Variants in MTHFD1 observed in about 807,000 individuals in gnomAD.
The protein encoded by MTHFD1 is methylenetetrahydrofolate dehydrogenase, cyclohydrolase and formyltetrahydrofolate synthetase 1, also known as C-1-tetrahydrofolate synthase, cytoplasmic.
MTHFD1 carries 44 observed loss-of-function variants against 110.3 expected under a neutral mutation model. The ratio of observed to expected loss-of-function variants is 0.40; its 90% CI spans 0.31 to 0.51. MTHFD1 has a LOEUF of 0.51. Among genes scored for constraint, MTHFD1 ranks in the 20% least tolerant of loss-of-function variants. MTHFD1 has a pLI of 0.60. For missense variants in MTHFD1, 909 were observed against 1,173.1 expected (o/e 0.77, Z 3.29); for synonymous variants, 402 against 428.8 (o/e 0.94, Z 0.77).
chr14:64,400,804 C>T lies in MTHFD1; in HGVS notation c.53C>T (p.Ala18Val), dbSNP rs151019303. 6,211 of 1,612,920 alleles carry T rather than the reference C, an allele frequency of 3.9e-3. 19 individuals are homozygous for T. The highest frequency in any genetic ancestry group is 0.01 in the Middle Eastern group (62 of 6,060). The change falls in exon 2 of 28, where the codon GCG (alanine) becomes GTG (valine). Residue 18 changes from alanine to valine, a missense_variant. Transcript: ENST00000652337. ...TCCTTTTTCTCTAGGCAAATAAGGG[C>T]GAGACTGAAAAATCAAGTCACTCAG... ...NGKEISAQIR[A>V]RLKNQVTQLK...
At chr14:64,409,795 C>A (rs2077967793) in intron 2 of MTHFD1, among the ~76,000 whole-genome samples, 1 of 152,168 alleles carries the variant, frequency 6.6e-6, no homozygotes, top group Admixed American at 6.5e-5. Flanking sequence ...GTATAAGGGA[C>A]AACTGAAGCT....
At chr14:64,427,494 T>C (rs749199392) in intron 12 of MTHFD1, 21 bp downstream of exon 12, 2 of 1,613,764 alleles carry the variant, frequency 1.2e-6, no homozygotes, top group Non-Finnish European at 1.7e-6. Flanking sequence ...GACTGGACCA[T>C]GGGTGGTGAC....
chr14:64,442,960 C>T (rs1441688422), intron 21 of MTHFD1, among the ~76,000 whole-genome samples: 3 of 152,158 alleles, frequency 2.0e-5, no homozygotes, highest in Non-Finnish European at 4.4e-5. Context: ...TCTCTGAATT[C>T]CTACTGCTTA....
intron 12 of MTHFD1, among the ~76,000 whole-genome samples, chr14:64,429,658 T>C (rs2078143517): frequency 2.0e-5 from 3 of 152,034 alleles, no homozygotes; most frequent in African/African-American, 7.2e-5. Flanking sequence ...TATTCCAAAA[T>C]CTGGAAAACA....
At chr14:64,429,069 C>G (rs1200239937) in intron 12 of MTHFD1, among the ~76,000 whole-genome samples, 6 of 150,624 alleles carry the variant, frequency 4.0e-5, no homozygotes, top group Admixed American at 6.6e-5. Flanking sequence ...TGGCTCATGC[C>G]TAAAATCCCA....
chr14:64,389,872 A>G (rs1207543853), intron 1 of MTHFD1, among the ~76,000 whole-genome samples: 3 of 152,180 alleles, frequency 2.0e-5, no homozygotes, highest in Non-Finnish European at 4.4e-5. Flanking sequence ...TTCCTTTTAG[A>G]AAGACTGATT....
intron 1 of MTHFD1, among the ~76,000 whole-genome samples, chr14:64,393,333 A>T (rs545355310): frequency 2.9e-4 from 44 of 152,046 alleles, no homozygotes; most frequent in African/African-American, 9.6e-4. Context: ...TGGGAGGAGG[A>T]GGTTGCAGTG....
intron 2 of MTHFD1, among the ~76,000 whole-genome samples, chr14:64,403,024 A>G (rs901931068): frequency 2.0e-5 from 3 of 152,136 alleles, no homozygotes; most frequent in Admixed American, 2.0e-4. Flanking sequence ...CAGTGGCACA[A>G]TCTTGGTTCA....
Position 64,453,702 on chromosome 14 carries a change from T to C in MTHFD1, c.2458-52T>C, listed in dbSNP as rs1016173270. ...AGAATGTGGCTATGTCCTGGTTAAA[T>C]GTCCTCACATGTGTCCAGTCATGGT... is the stretch of plus-strand genomic sequence containing the variant. On this transcript the variant is annotated intron_variant, in intron 24 of 27. Transcript: ENST00000652337. 2.7e-6 allele frequency: 3 copies of C among 1,093,716 alleles called. No homozygotes were observed. The African/African-American group carries it at 4.7e-5, about 17-fold the overall frequency. 67.8% of individuals were successfully genotyped at this position (1,093,716 alleles called of 1,614,324 possible).
At chr14:64,408,285 CTTTTTTTTTT>C (rs1555336630) in intron 2 of MTHFD1, among the ~76,000 whole-genome samples, 3 of 121,208 alleles carry the variant, frequency 2.5e-5, no homozygotes, top group African/African-American at 6.6e-5. Flanking sequence ...AATCAGCATT[CTTTTTTTTTT>C]TTTTTTTTTT....
intron 23 of MTHFD1, 117 bp downstream of exon 23, chr14:64,448,434 G>A (rs1323790282): frequency 2.4e-6 from 2 of 842,846 alleles, no homozygotes; most frequent in Non-Finnish European, 4.0e-6. Flanking sequence ...TATAGCCTGT[G>A]GTTTTAGCCT....
rs2078041601 is a variant in MTHFD1, at chr14:64,418,358, A to G, written c.615+334A>G. ...CCCAGCTACTCGGGAGGTTGAGGCA[A>G]GAGGATTGCTTGAGCCCAGGAGGTC... On this transcript the variant is annotated intron_variant, in intron 7 of 27. Transcript: ENST00000652337. Among the ~76,000 whole-genome samples the G allele has an allele frequency of 2.0e-5, 3 of 150,830 alleles. No homozygotes were observed. In the South Asian group the frequency reaches 6.3e-4, roughly 32 times the overall value.
At chr14:64,439,316 G>A in intron 17 of MTHFD1, 144 bp downstream of exon 17, 1 of 712,786 alleles carries the variant, frequency 1.4e-6, no homozygotes, top group South Asian at 1.5e-5. Context: ...GAGTAGGTGT[G>A]TGGCATTGAG....
At chr14:64,457,569 C>T (rs1596572387) in intron 26 of MTHFD1, among the ~76,000 whole-genome samples, 1 of 151,890 alleles carries the variant, frequency 6.6e-6, no homozygotes, top group African/African-American at 2.4e-5. Flanking sequence ...GATTCTCCTG[C>T]CTCAGCCTCC....
At chr14:64,403,647 TC>T (rs537514369) in intron 2 of MTHFD1, among the ~76,000 whole-genome samples, 46 of 151,998 alleles carry the variant, frequency 3.0e-4, no homozygotes, top group African/African-American at 1.1e-3. Flanking sequence ...CCCAAAGTGA[TC>T]CTCCCATTTT....
At chr14:64,415,324 GTGAT>G in intron 4 of MTHFD1, 30 bp from the exon 5 acceptor site, 2 of 1,580,440 alleles carry the variant, frequency 1.3e-6, no homozygotes, top group Non-Finnish European at 1.7e-6. Flanking sequence ...TGATTTCTGT[GTGAT>G]ATACAAATTA....
intron 2 of MTHFD1, 135 bp downstream of exon 2, chr14:64,401,012 G>T (rs1192621256): frequency 1.6e-5 from 11 of 708,172 alleles, no homozygotes; most frequent in Non-Finnish European, 2.5e-5. Flanking sequence ...CTCTTGGCAG[G>T]CTCCCCCCTT....
chr14:64,450,265 A>T (rs1034995245), intron 24 of MTHFD1, among the ~76,000 whole-genome samples: 1 of 152,260 alleles, frequency 6.6e-6, no homozygotes, highest in African/African-American at 2.4e-5. Context: ...TGTAGCCTTT[A>T]AAACAAGGCA....
At chr14:64,458,807 C>T (rs1043483342) in intron 27 of MTHFD1, 5 of 191,406 alleles carry the variant, frequency 2.6e-5, no homozygotes, top group Non-Finnish European at 5.5e-5. Context: ...CCCTGAGTAC[C>T]GACTGCAATG....
Sources: gnomAD v4.1 joint callset for allele counts (sites outside exome capture counted in the v4.1 genomes callset) on GRCh38, gnomAD v4.1.1 for gene constraint, MANE v1.5 for transcripts, NCBI Gene and HGNC (gene_info 2026-07-23, HGNC 2026-07-21) for gene names.